ESRRB: variants seen among roughly 807,000 people sequenced by gnomAD.
ESRRB encodes the protein steroid hormone receptor ERR2.
A neutral mutation model predicts 46.0 loss-of-function variants in ESRRB; 16 were observed. The observed-to-expected ratio is 0.35, with a 90% CI of 0.24 to 0.53. The LOEUF is 0.53. Among genes scored for constraint, ESRRB ranks in the 20% least tolerant of loss-of-function variants. The pLI is 0.93. For synonymous variants in ESRRB, 246 were observed against 259.6 expected (o/e 0.95, Z 0.50); for missense variants, 488 against 607.4 (o/e 0.80, Z 2.07).
chr14:76,339,234 A>G (rs538354119), intron 1 of ESRRB, among the ~76,000 whole-genome samples: 1 of 151,976 alleles, frequency 6.6e-6, no homozygotes, highest in South Asian at 2.1e-4. Context: ...ATCAGCATCG[A>G]CTCCACTTGA....
intron 3 of ESRRB, among the ~76,000 whole-genome samples, chr14:76,470,893 A>C (rs1889352774): frequency 6.6e-6 from 1 of 152,128 alleles, no homozygotes; most frequent in African/African-American, 2.4e-5. Context: ...GGTCTTGCTT[A>C]TATTGCCCAG....
At chr14:76,338,978 C>T (rs1884159779) in intron 1 of ESRRB, among the ~76,000 whole-genome samples, 1 of 152,146 alleles carries the variant, frequency 6.6e-6, no homozygotes, top group Non-Finnish European at 1.5e-5. Context: ...GCATGCACCT[C>T]AAAGGGACCA....
At chr14:76,497,703 G>A (rs529036393) in intron 6 of ESRRB, among the ~76,000 whole-genome samples, 14 of 152,232 alleles carry the variant, frequency 9.2e-5, no homozygotes, top group African/African-American at 3.4e-4. Context: ...GCCTGGCAGC[G>A]GCAGCTGCAG....
intron 1 of ESRRB, among the ~76,000 whole-genome samples, chr14:76,319,496 TC>T (rs36053584): frequency 0.055 from 8,428 of 152,258 alleles, 314 homozygotes; most frequent in Middle Eastern, 0.14. Context: ...GACTCTTCTT[TC>T]CCCATCTCAG....
chr14:76,411,459 A>T (rs1160203815), intron 1 of ESRRB, among the ~76,000 whole-genome samples: 1 of 151,948 alleles, frequency 6.6e-6, no homozygotes, highest in East Asian at 1.9e-4. Flanking sequence ...CAAAAAAAAA[A>T]CAGGAGGTGA....
chr14:76,415,573 T>A (rs1886661995), intron 1 of ESRRB, among the ~76,000 whole-genome samples: 1 of 152,166 alleles, frequency 6.6e-6, no homozygotes, highest in Non-Finnish European at 1.5e-5. Flanking sequence ...GACAGAAGAA[T>A]CACTTGAACC....
intron 1 of ESRRB, among the ~76,000 whole-genome samples, chr14:76,426,487 T>C (rs981169332): frequency 5.9e-5 from 9 of 152,196 alleles, no homozygotes; most frequent in Non-Finnish European, 8.8e-5. Flanking sequence ...TCACATGTCA[T>C]TGAATTTATG....
At chr14:76,405,269 C>G (rs558949215) in intron 1 of ESRRB, among the ~76,000 whole-genome samples, 1 of 152,100 alleles carries the variant, frequency 6.6e-6, no homozygotes, top group African/African-American at 2.4e-5. Context: ...ACCACTACCA[C>G]TACACCCGGC....
Position 76,482,626 on chromosome 14 carries a change from G to T in ESRRB, c.717G>T (p.Val239=), listed in dbSNP as rs1340800483. 2 of 1,614,128 alleles carry T rather than the reference G, an allele frequency of 1.2e-6. No individual in the cohort carries two copies. The highest frequency in any genetic ancestry group is 1.7e-6 in the Non-Finnish European group (2 of 1,180,030). The change falls in exon 5 of 7, where the codon GTG becomes GTT. Residue 239 remains valine, a synonymous_variant. Coordinates refer to ENST00000644823, the MANE Select transcript of ESRRB (RefSeq NM_001379180.1). The surrounding 1 kb of genome is among the most constrained non-coding windows in gnomAD (Gnocchi z 4.3). ...CCAAGATTGTCTCATACCTACTGGT[G>T]GCTGAGCCGGACAAGCTCTATGCCA... is the stretch of plus-strand genomic sequence containing the variant. The part of the protein sequence containing the change: ...PLTKIVSYLL[V]AEPDKLYAMP...
intron 1 of ESRRB, among the ~76,000 whole-genome samples, chr14:76,355,743 A>T (rs2139765698): frequency 6.6e-6 from 1 of 152,276 alleles, no homozygotes; most frequent in South Asian, 2.1e-4. Context: ...GACTGTATAC[A>T]TCAGAGCACC....
At chr14:76,488,349 C>T (rs1288114164) in intron 5 of ESRRB, among the ~76,000 whole-genome samples, 1 of 152,146 alleles carries the variant, frequency 6.6e-6, no homozygotes, top group Non-Finnish European at 1.5e-5. Context: ...GAACTCGAAG[C>T]AGCCTATCAG....
At chr14:76,405,533 G>C (rs1378468844) in intron 1 of ESRRB, among the ~76,000 whole-genome samples, 1 of 152,170 alleles carries the variant, frequency 6.6e-6, no homozygotes, top group Non-Finnish European at 1.5e-5. Context: ...TTAAGTCCAT[G>C]AGCATGATCA....
intron 1 of ESRRB, chr14:76,310,969 CTGTCCCCTTT>C: frequency 2.4e-6 from 1 of 424,920 alleles, no homozygotes. Context: ...GGGTCCTTTT[CTGTCCCCTTT>C]CTCTCTCTCT....
intron 3 of ESRRB, among the ~76,000 whole-genome samples, chr14:76,469,348 GC>G (rs976802666): frequency 3.9e-5 from 6 of 152,064 alleles, no homozygotes; most frequent in Non-Finnish European, 8.8e-5. Context: ...GCCCGCCTCA[GC>G]CTCCCCAAGT....
At position 76,332,606 on chromosome 14, in the gene ESRRB, ATTTATATATTATAT is replaced by A. The variant is rs1299992833; in HGVS notation, c.2+21691_2+21704del. ...TATATTTATATATTATATATTATAT[ATTTATATATTATAT>A]AAATATATATTATATATATTTATAT... On this transcript the variant is annotated intron_variant, in intron 1 of 6. Transcript: ENST00000512784. Among the ~76,000 whole-genome samples, 108 of 43,938 alleles carry A rather than the reference ATTTATATATTATAT, an allele frequency of 2.5e-3. 2 individuals carry two copies. The highest frequency in any genetic ancestry group is 0.012 in the African/African-American group (106 of 8,586). The allele number at this position is 43,938 out of a possible 152,430, so 28.8% of individuals were successfully genotyped here.
chr14:76,421,170 C>A (rs990157485), intron 1 of ESRRB, among the ~76,000 whole-genome samples: 1 of 152,204 alleles, frequency 6.6e-6, no homozygotes, highest in African/African-American at 2.4e-5. Flanking sequence ...TTCTGCCCAC[C>A]TTTAAAGGCT....
At chr14:76,354,375 A>T (rs1247565790) in intron 1 of ESRRB, among the ~76,000 whole-genome samples, 2 of 152,034 alleles carry the variant, frequency 1.3e-5, no homozygotes, top group Admixed American at 6.6e-5. Flanking sequence ...GTACGATGCC[A>T]GGGACATGGC....
chr14:76,497,185 C>T (rs565471374), intron 6 of ESRRB, among the ~76,000 whole-genome samples: 109 of 152,090 alleles, frequency 7.2e-4, no homozygotes, highest in Admixed American at 7.1e-3. Context: ...TGCTTCATCT[C>T]CCACCTGATG....
At chr14:76,371,924 A>C (rs1336766687), upstream of ESRRB, among the ~76,000 whole-genome samples, 1 of 152,096 alleles carries the variant, frequency 6.6e-6, no homozygotes, top group Non-Finnish European at 1.5e-5. Context: ...TGAGGACCTA[A>C]GAGACACTGC....
Sources: allele counts gnomAD v4.1 joint callset (sites outside exome capture counted in the v4.1 genomes callset), GRCh38; gene constraint gnomAD v4.1.1; non-coding constraint Gnocchi (gnomAD v3.1); transcripts MANE v1.5; gene names NCBI Gene and HGNC (gene_info 2026-07-23, HGNC 2026-07-21).